CDH13: variants seen among roughly 807,000 people sequenced by gnomAD.
CDH13 encodes the protein cadherin-13.
In CDH13, 24 loss-of-function variants were observed where a neutral mutation model predicts 63.8. The observed-to-expected ratio is 0.38, with a 90% CI of 0.27 to 0.53. The LOEUF is 0.53. Ranked by LOEUF, CDH13 falls within the 20% of genes least tolerant of loss-of-function variation. The pLI, the probability that CDH13 is intolerant of heterozygous loss-of-function variation, is 0.85. For synonymous variants in CDH13, 503 were observed against 355.3 expected (o/e 1.42, Z -4.67); for missense variants, 1,049 against 903.1 (o/e 1.16, Z -2.07).
At chr16:83,001,649 C>T (rs879459400) in intron 2 of CDH13, among the ~76,000 whole-genome samples, 4 of 152,172 alleles carry the variant, frequency 2.6e-5, no homozygotes, top group South Asian at 2.1e-4. Context: ...CTCTGAGAAG[C>T]GAATCTCGCA....
chr16:82,702,914 A>T (rs745394771), intron 1 of CDH13, among the ~76,000 whole-genome samples: 3 of 151,878 alleles, frequency 2.0e-5, no homozygotes, highest in African/African-American at 4.8e-5. Context: ...GTATCCCCTC[A>T]TTGGTTGGCT....
At chr16:82,985,841 T>C (rs1318692505) in intron 2 of CDH13, among the ~76,000 whole-genome samples, 2 of 152,152 alleles carry the variant, frequency 1.3e-5, no homozygotes, top group Non-Finnish European at 2.9e-5. Context: ...TGAGTTCTTA[T>C]GAGATCTGGT....
chr16:82,809,828 T>A (rs1355042661), intron 1 of CDH13, among the ~76,000 whole-genome samples: 2 of 152,100 alleles, frequency 1.3e-5, no homozygotes, highest in East Asian at 3.9e-4. Flanking sequence ...CAAAAATAAT[T>A]CTTTCTGGAC....
chr16:83,480,669 T>C (rs906560584), intron 6 of CDH13, among the ~76,000 whole-genome samples: 1 of 152,170 alleles, frequency 6.6e-6, no homozygotes. Context: ...AAACTTGGCC[T>C]GCAGGGTGAC....
chr16:83,724,640 A>T (rs896163238), intron 10 of CDH13, among the ~76,000 whole-genome samples: 1 of 152,118 alleles, frequency 6.6e-6, no homozygotes, highest in Non-Finnish European at 1.5e-5. Context: ...CCCTGTGACT[A>T]TGTTGGGGCT....
chr16:83,797,756 TGAGGGTTTTATTTCCACTGA>T lies in CDH13; in HGVS notation c.*2728_*2747del, dbSNP rs1904289483. The T allele has an allele frequency of 6.6e-6, 1 of 152,246 alleles. No homozygotes were observed. 9.4% of individuals were successfully genotyped at this position (152,246 alleles called of 1,614,324 possible). A position where few individuals can be genotyped will look rare whatever the true frequency, so the allele number is the denominator to read the frequency against. ...TTTTCCCAATTACTGAGCACAGGTC[TGAGGGTTTTATTTCCACTGA>T]GCAAATAGTCACACCTTCACTTCTT... On this transcript the variant is annotated 3_prime_UTR_variant, in exon 14 of 14. Transcript: ENST00000567109.
chr16:82,955,080 C>T (rs1325882741), intron 2 of CDH13, among the ~76,000 whole-genome samples: 5 of 152,162 alleles, frequency 3.3e-5, no homozygotes, highest in African/African-American at 4.8e-5. Flanking sequence ...TTTTGAATAA[C>T]GTTGCTGTGA....
intron 6 of CDH13, among the ~76,000 whole-genome samples, chr16:83,371,352 G>A (rs1379993179): frequency 6.6e-6 from 1 of 151,904 alleles, no homozygotes; most frequent in African/African-American, 2.4e-5. Flanking sequence ...ACATATCCAG[G>A]TCTCCCAATC....
chr16:83,322,042 G>A (rs1055486740), intron 5 of CDH13, among the ~76,000 whole-genome samples: 9 of 152,176 alleles, frequency 5.9e-5, no homozygotes, highest in African/African-American at 2.2e-4. Flanking sequence ...GACTTCAGCA[G>A]GGCTGGCTGC....
intron 2 of CDH13, among the ~76,000 whole-genome samples, chr16:82,906,533 G>A (rs989579276): frequency 6.6e-6 from 1 of 152,174 alleles, no homozygotes. Flanking sequence ...CTGTGACAAA[G>A]GCTGGTTTCT....
rs139432742 is a variant in CDH13 at position 83,030,576 on chromosome 16, G to C, written c.158-1434G>C. Among the ~76,000 whole-genome samples the C allele has an allele frequency of 5.8e-3, 865 of 148,042 alleles. 11 individuals are homozygous for C. The highest frequency in any genetic ancestry group is 0.021 in the African/African-American group (831 of 40,152). ...GAGAATCACTGGAACCCGGGAGGCA[G>C]AGGCTGCAGTCAGCCAAGATCGCGC... On this transcript the variant is annotated intron_variant, in intron 2 of 13. Transcript: ENST00000567109.
chr16:82,656,812 T>C (rs1911348937), intron 1 of CDH13, among the ~76,000 whole-genome samples: 1 of 152,176 alleles, frequency 6.6e-6, no homozygotes, highest in African/African-American at 2.4e-5. Context: ...TTTCCCAGAA[T>C]GTCATATGGT....
chr16:82,989,081 C>G (rs929774203), intron 2 of CDH13, among the ~76,000 whole-genome samples: 2 of 152,130 alleles, frequency 1.3e-5, no homozygotes, highest in East Asian at 1.9e-4. Context: ...AAGGCCTGCA[C>G]TTACACAGAG....
chr16:82,846,580 G>A (rs1363850692), intron 1 of CDH13, among the ~76,000 whole-genome samples: 2 of 152,126 alleles, frequency 1.3e-5, no homozygotes, highest in East Asian at 3.9e-4. Context: ...TGGAAAAATT[G>A]AGATTTCGAC....
intron 10 of CDH13, chr16:83,726,335 C>A (rs1446565407): frequency 6.6e-6 from 1 of 152,018 alleles, no homozygotes; most frequent in Non-Finnish European, 1.5e-5. Flanking sequence ...GGTGTCTGTT[C>A]GGGTTTTGGA....
intron 4 of CDH13, among the ~76,000 whole-genome samples, chr16:83,172,317 C>T (rs534649357): frequency 2.6e-5 from 4 of 152,060 alleles, no homozygotes; most frequent in South Asian, 2.1e-4. Flanking sequence ...AGTGAAACCC[C>T]GTCTCTACTA....
intron 5 of CDH13, among the ~76,000 whole-genome samples, chr16:83,237,467 T>C (rs1428014311): frequency 6.6e-6 from 1 of 152,256 alleles, no homozygotes. Flanking sequence ...AACTGCACCG[T>C]CCAATAAGGA....
At chr16:83,271,824 T>A (rs2088827252) in intron 5 of CDH13, among the ~76,000 whole-genome samples, 1 of 152,240 alleles carries the variant, frequency 6.6e-6, no homozygotes, top group Non-Finnish European at 1.5e-5. Context: ...AAAATGCTGC[T>A]GTCCAATCAT....
rs778607703 is a variant in CDH13, at chr16:83,679,348, ATCT to A, written c.1538+894_1538+896del. 7.5e-4 allele frequency among the ~76,000 whole-genome samples: 114 copies of A among 152,212 alleles called. 1 individual carries two copies. Among genetic ancestry groups the A allele is most frequent in the Non-Finnish European group, 6.5e-4 (44 of 68,044 alleles). On this transcript the variant is annotated intron_variant, in intron 10 of 13. Transcript: ENST00000567109. Reference sequence around the variant, plus strand: ...ATTAATGTTCCTCCTCCAAAATCTAATCTTCTTCTCATATGAGGTACAAATAAT... The same window carrying A: ...ATTAATGTTCCTCCTCCAAAATCTAATCTTCTCATATGAGGTACAAATAAT...
Sources: gnomAD v4.1 joint callset for allele counts (sites outside exome capture counted in the v4.1 genomes callset) on GRCh38, gnomAD v4.1.1 for gene constraint, MANE v1.5 for transcripts, NCBI Gene and HGNC (gene_info 2026-07-23, HGNC 2026-07-21) for gene names.